RSBN1L: variants seen among roughly 807,000 people sequenced by gnomAD.
RSBN1L encodes round spermatid basic protein 1 like.
RSBN1L carries 30 observed loss-of-function variants against 67.7 expected under a neutral mutation model. The ratio of observed to expected loss-of-function variants is 0.44; its 90% CI spans 0.33 to 0.60. RSBN1L has a LOEUF of 0.60. Among genes scored for constraint, RSBN1L ranks in the 20% least tolerant of loss-of-function variants. The pLI is 0.02. For missense variants in RSBN1L, 992 were observed against 1,031.7 expected, an observed-to-expected ratio of 0.96 and a Z score of 0.53; for synonymous variants, 433 against 387.0, an observed-to-expected ratio of 1.12 and a Z score of -1.39.
intron 1 of RSBN1L, among the ~76,000 whole-genome samples, chr7:77,702,815 C>T (rs2150411233): frequency 2.0e-5 from 3 of 152,264 alleles, no homozygotes; most frequent in Middle Eastern, 6.8e-3. Context: ...TGCCTTCTTC[C>T]TGTGTGCTCA....
chr7:77,730,082 C>A (rs1046141233), intron 1 of RSBN1L, among the ~76,000 whole-genome samples: 6 of 152,138 alleles, frequency 3.9e-5, no homozygotes, highest in African/African-American at 1.2e-4. Context: ...TATATGATTT[C>A]TTTTTTGTTC....
chr7:77,696,891 A>G lies in RSBN1L; in HGVS notation c.422A>G (p.His141Arg), dbSNP rs1482355043. The G allele has an allele frequency of 2.5e-6, 4 of 1,607,418 alleles. No individual in the cohort carries two copies. Among genetic ancestry groups the G allele is most frequent in the Non-Finnish European group, 3.4e-6 (4 of 1,179,688 alleles). The change falls in exon 1 of 8, where the codon CAT (histidine) becomes CGT (arginine). Residue 141 changes from histidine to arginine, a missense_variant. Transcript: ENST00000334955. ...ACGCTGCTGCACGCTCAGCCTCACC[A>G]TCTCCTCCTGCCCGCCGCCGCCGCC... ...PPTLLHAQPH[H>R]LLLPAAAAAA...
At chr7:77,736,942 A>G (rs117441514) in intron 2 of RSBN1L, among the ~76,000 whole-genome samples, 291 of 152,340 alleles carry the variant, frequency 1.9e-3, no homozygotes, top group Non-Finnish European at 3.4e-3. Context: ...ACCATAGTCT[A>G]GCATTTAGAG....
At chr7:77,726,776 ATTT>A (rs35354992) in intron 1 of RSBN1L, among the ~76,000 whole-genome samples, 5 of 112,282 alleles carry the variant, frequency 4.5e-5, no homozygotes, top group African/African-American at 7.1e-5. Flanking sequence ...CACCCAGCTA[ATTT>A]TTTTTTTTTT....
At chr7:77,709,354 A>G (rs948175077) in intron 1 of RSBN1L, among the ~76,000 whole-genome samples, 7 of 152,014 alleles carry the variant, frequency 4.6e-5, no homozygotes, top group Admixed American at 6.6e-5. Context: ...CAGTGGCACA[A>G]TCTTGGCTCA....
chr7:77,716,624 C>A (rs1362040559), intron 1 of RSBN1L, among the ~76,000 whole-genome samples: 15 of 75,328 alleles, frequency 2.0e-4, no homozygotes, highest in African/African-American at 7.2e-4. Context: ...GTATCTTCAT[C>A]TTTTTTTTTT....
chr7:77,718,884 T>C (rs1353320683), intron 1 of RSBN1L, among the ~76,000 whole-genome samples: 2 of 152,228 alleles, frequency 1.3e-5, no homozygotes, highest in Non-Finnish European at 2.9e-5. Context: ...AGTTGGTGGC[T>C]GGTCTGGTAT....
intron 1 of RSBN1L, among the ~76,000 whole-genome samples, chr7:77,728,313 T>C (rs1791232764): frequency 6.6e-6 from 1 of 152,216 alleles, no homozygotes; most frequent in Non-Finnish European, 1.5e-5. Flanking sequence ...GATTATAAAA[T>C]TGTATGTTAA....
At chr7:77,724,269 T>A (rs1423434332) in intron 1 of RSBN1L, among the ~76,000 whole-genome samples, 1 of 151,520 alleles carries the variant, frequency 6.6e-6, no homozygotes, top group East Asian at 1.9e-4. Context: ...TTACTTTGAA[T>A]TTTTTTTTCT....
intron 1 of RSBN1L, among the ~76,000 whole-genome samples, chr7:77,726,047 A>G (rs1791199985): frequency 6.6e-6 from 1 of 151,938 alleles, no homozygotes; most frequent in Non-Finnish European, 1.5e-5. Context: ...TGTATTTCTA[A>G]TTAAGTTTTG....
intron 2 of RSBN1L, 57 bp downstream of exon 2, chr7:77,736,583 T>A: frequency 1.1e-6 from 1 of 925,282 alleles, no homozygotes; most frequent in Non-Finnish European, 1.5e-6. Context: ...GTATCTTTAT[T>A]GGCTAAGTGA....
intron 1 of RSBN1L, among the ~76,000 whole-genome samples, chr7:77,710,467 C>T (rs1790957667): frequency 2.0e-5 from 3 of 152,328 alleles, no homozygotes; most frequent in Admixed American, 2.0e-4. Flanking sequence ...TTTTACTACA[C>T]CTAGCTAATG....
chr7:77,716,090 A>G (rs1485101721), intron 1 of RSBN1L, among the ~76,000 whole-genome samples: 2 of 152,176 alleles, frequency 1.3e-5, no homozygotes, highest in Non-Finnish European at 2.9e-5. Context: ...AAATTTATAA[A>G]TTAATGAAGC....
chr7:77,696,507 C>A lies in RSBN1L; in HGVS notation c.38C>A (p.Ala13Asp). ...EPPSPVHCVA[A>D]AAPTATVSEK... ...CCGAGCCCCGTGCACTGTGTCGCTG[C>A]CGCGGCCCCCACCGCCACCGTCTCG... is the stretch of plus-strand genomic sequence containing the variant. The change falls in exon 1 of 8, where the codon GCC becomes GAC. Residue 13 changes from alanine (A) to aspartate (D), a missense_variant. Physicochemically the swap from Ala to Asp is moderately radical, Grantham distance 126. Transcript: ENST00000334955. 1 of 1,613,422 alleles carries A rather than the reference C, an allele frequency of 6.2e-7. No individual in the cohort carries two copies. Among genetic ancestry groups the A allele is most frequent in the Non-Finnish European group, 8.5e-7 (1 of 1,179,732 alleles).
intron 1 of RSBN1L, among the ~76,000 whole-genome samples, chr7:77,721,707 G>A (rs1791122228): frequency 6.6e-6 from 1 of 152,184 alleles, no homozygotes; most frequent in African/African-American, 2.4e-5. Flanking sequence ...ATATATGTGG[G>A]TGAATAGTTG....
chr7:77,728,403 A>C (rs190604390), intron 1 of RSBN1L, among the ~76,000 whole-genome samples: 3 of 152,292 alleles, frequency 2.0e-5, no homozygotes, highest in East Asian at 1.9e-4. Flanking sequence ...TGAAGAGTTC[A>C]TTTCCATAGT....
intron 3 of RSBN1L, among the ~76,000 whole-genome samples, chr7:77,756,593 G>A (rs1293117574): frequency 6.6e-6 from 1 of 152,002 alleles, no homozygotes; most frequent in Non-Finnish European, 1.5e-5. Flanking sequence ...TGGCCAATAT[G>A]GTGAAACTCC....
rs367772041 is a variant in RSBN1L at position 77,768,989 on chromosome 7, A to G, written c.1625+186A>G. Among the ~76,000 whole-genome samples the G allele has an allele frequency of 2.6e-5, 4 of 152,372 alleles. No individual in the cohort carries two copies. The East Asian group carries it at 7.7e-4, about 29-fold the overall frequency. ...CTAAAATGTAAATAAAGCATGAGAA[A>G]TGTAGGCAAATGACAAGAAATTGTA... is the stretch of plus-strand genomic sequence containing the variant. On this transcript the variant is annotated intron_variant, in intron 5 of 7. Coordinates refer to ENST00000334955, the MANE Select transcript of RSBN1L (RefSeq NM_198467.3).
At chr7:77,720,958 T>G (rs1791111628) in intron 1 of RSBN1L, among the ~76,000 whole-genome samples, 1 of 151,892 alleles carries the variant, frequency 6.6e-6, no homozygotes, top group African/African-American at 2.4e-5. Flanking sequence ...GGTTTCACCA[T>G]TTTGGTCATA....
Sources: gnomAD v4.1 joint callset for allele counts (sites outside exome capture counted in the v4.1 genomes callset) on GRCh38, gnomAD v4.1.1 for gene constraint, MANE v1.5 for transcripts, NCBI Gene and HGNC (gene_info 2026-07-23, HGNC 2026-07-21) for gene names.